Variants in CLEC16A observed in about 807,000 individuals in gnomAD.
The protein encoded by CLEC16A is protein CLEC16A.
A neutral mutation model predicts 109.5 loss-of-function variants in CLEC16A; 51 were observed. The ratio of observed to expected loss-of-function variants is 0.47; its 90% CI spans 0.37 to 0.59. The LOEUF (loss-of-function observed/expected upper bound fraction) is 0.59. CLEC16A is among the 20% of genes least tolerant of loss of function. CLEC16A has a pLI of 0.00. For synonymous variants in CLEC16A, 673 were observed against 564.2 expected (o/e 1.19, Z -2.73); for missense variants, 1,339 against 1,394.0 (o/e 0.96, Z 0.63).
intron 19 of CLEC16A, among the ~76,000 whole-genome samples, chr16:11,111,152 T>C (rs2051559684): frequency 6.6e-6 from 1 of 152,202 alleles, no homozygotes; most frequent in Non-Finnish European, 1.5e-5. Context: ...GATGTAGCAC[T>C]AAATTAAATT....
chr16:11,052,645 C>T (rs915261799), intron 18 of CLEC16A, among the ~76,000 whole-genome samples: 1 of 152,148 alleles, frequency 6.6e-6, no homozygotes, highest in African/African-American at 2.4e-5. Context: ...GCCAGGCACA[C>T]GATTCTGTTT....
chr16:10,946,720 G>C (rs976695858), intron 1 of CLEC16A, among the ~76,000 whole-genome samples: 2 of 152,044 alleles, frequency 1.3e-5, no homozygotes, highest in African/African-American at 4.8e-5. Context: ...TTAATTTATC[G>C]AATGCATTAT....
chr16:10,981,045 C>T (rs938428246), intron 9 of CLEC16A, among the ~76,000 whole-genome samples: 2 of 152,178 alleles, frequency 1.3e-5, no homozygotes, highest in African/African-American at 4.8e-5. Context: ...CCTGCACGTG[C>T]TTCCACGTAC....
chr16:11,161,724 C>A (rs925313270), intron 22 of CLEC16A, among the ~76,000 whole-genome samples: 3 of 152,208 alleles, frequency 2.0e-5, no homozygotes, highest in African/African-American at 7.2e-5. Context: ...ATCTCTCTCC[C>A]GTTGCTGTCC....
chr16:10,999,841 T>C (rs951453756), intron 10 of CLEC16A, among the ~76,000 whole-genome samples: 53 of 152,222 alleles, frequency 3.5e-4, no homozygotes, highest in African/African-American at 1.3e-3. Flanking sequence ...TTATTACTTA[T>C]TTATTTATTT....
At chr16:11,082,343 A>G (rs2049772847) in intron 19 of CLEC16A, among the ~76,000 whole-genome samples, 1 of 152,138 alleles carries the variant, frequency 6.6e-6, no homozygotes, top group Admixed American at 6.5e-5. Context: ...CCACTTCCCC[A>G]TTGAGGCTGT....
intron 23 of CLEC16A, among the ~76,000 whole-genome samples, chr16:11,172,239 C>T (rs191904038): frequency 2.1e-3 from 313 of 151,836 alleles, no homozygotes; most frequent in Non-Finnish European, 3.2e-3. Flanking sequence ...CACACTCATA[C>T]AGTCACACGC....
intron 9 of CLEC16A, 106 bp downstream of exon 9, chr16:10,979,488 C>T: frequency 1.0e-6 from 1 of 982,884 alleles, no homozygotes; most frequent in Non-Finnish European, 1.5e-6. Context: ...TCTCTGTCCC[C>T]CCCATGCTGG....
chr16:10,951,919 G>A (rs1347352410), intron 1 of CLEC16A, among the ~76,000 whole-genome samples: 1 of 152,166 alleles, frequency 6.6e-6, no homozygotes, highest in African/African-American at 2.4e-5. Flanking sequence ...TGTCCTTTCA[G>A]TGTCATACTG....
At chr16:10,949,265 T>C (rs1305564654) in intron 1 of CLEC16A, among the ~76,000 whole-genome samples, 3 of 152,140 alleles carry the variant, frequency 2.0e-5, no homozygotes, top group Admixed American at 2.0e-4. Flanking sequence ...TCTTAAAATA[T>C]CGTCTTCACC....
At position 10,961,827 on chromosome 16, in the gene CLEC16A, G is replaced by A. The variant is rs1173546882; in HGVS notation, c.210-628G>A. The stretch of plus-strand genomic sequence containing the variant: ...TTCTGTTGTTTTTACGACCCTGAAA[G>A]TTTTGAGAAATGCTGGCCAGGTCTT... On this transcript the variant is annotated intron_variant, in intron 2 of 23. Transcript: ENST00000409790. This position sits in a 1 kb window ranked among gnomAD's most constrained non-coding sequence, Gnocchi z 4.3. 6.6e-6 allele frequency among the ~76,000 whole-genome samples: 1 copy of A among 152,170 alleles called. No homozygotes were observed. The highest frequency in any genetic ancestry group is 1.5e-5 in the Non-Finnish European group (1 of 68,026).
chr16:11,011,738 C>T (rs909331888), intron 11 of CLEC16A, among the ~76,000 whole-genome samples: 2 of 152,064 alleles, frequency 1.3e-5, no homozygotes, highest in African/African-American at 4.8e-5. Flanking sequence ...TTATATGTGC[C>T]TACATATACA....
intron 10 of CLEC16A, among the ~76,000 whole-genome samples, chr16:10,987,515 C>T (rs2043746283): frequency 6.6e-6 from 1 of 152,170 alleles, no homozygotes; most frequent in Non-Finnish European, 1.5e-5. Flanking sequence ...ATGTAAGAGC[C>T]AGTTGTGGTG....
intron 19 of CLEC16A, among the ~76,000 whole-genome samples, chr16:11,117,155 G>A (rs145759421): frequency 1.1e-4 from 17 of 152,324 alleles, no homozygotes; most frequent in African/African-American, 3.4e-4. Context: ...AGATGGCAGC[G>A]ATAGACACTG....
At chr16:11,025,629 T>G (rs8049882) in intron 13 of CLEC16A, among the ~76,000 whole-genome samples, 74,199 of 151,984 alleles carry the variant, frequency 0.49, 19,347 homozygotes, top group African/African-American at 0.68. Flanking sequence ...AGGCTTGGCA[T>G]AGTAAAAAAA....
At chr16:11,125,506 A>G (rs2052740087) in intron 21 of CLEC16A, among the ~76,000 whole-genome samples, 1 of 152,150 alleles carries the variant, frequency 6.6e-6, no homozygotes, top group African/African-American at 2.4e-5. Flanking sequence ...ACAGATAAAC[A>G]CCCACTCAGA....
intron 13 of CLEC16A, among the ~76,000 whole-genome samples, chr16:11,034,349 G>A (rs2046906451): frequency 6.6e-6 from 1 of 152,140 alleles, no homozygotes; most frequent in Non-Finnish European, 1.5e-5. Context: ...AGTTTGAACT[G>A]TTTACCTGGT....
intron 17 of CLEC16A, among the ~76,000 whole-genome samples, chr16:11,049,515 A>G (rs763247554): frequency 9.2e-5 from 14 of 152,096 alleles, no homozygotes; most frequent in Non-Finnish European, 1.5e-4. Flanking sequence ...TTAATCAAAC[A>G]TGTATTGTGT....
At chr16:11,019,316 A>C (rs2045953432) in intron 11 of CLEC16A, among the ~76,000 whole-genome samples, 1 of 152,172 alleles carries the variant, frequency 6.6e-6, no homozygotes, top group Non-Finnish European at 1.5e-5. Context: ...TTTTCTGAAA[A>C]ATAAAAATGC....
Sources: allele counts gnomAD v4.1 joint callset (sites outside exome capture counted in the v4.1 genomes callset), GRCh38; gene constraint gnomAD v4.1.1; non-coding constraint Gnocchi (gnomAD v3.1); transcripts MANE v1.5; gene names NCBI Gene and HGNC (gene_info 2026-07-23, HGNC 2026-07-21).